The following DPP6 variants were observed in gnomAD, a reference collection of about 807,000 sequenced individuals.
DPP6 encodes the protein dipeptidyl peptidase like 6.
A neutral mutation model predicts 122.6 loss-of-function variants in DPP6; 69 were observed. The ratio of observed to expected loss-of-function variants is 0.56; its 90% CI spans 0.46 to 0.69. DPP6 has a LOEUF of 0.69. Ranked by LOEUF, DPP6 falls within the 30% of genes least tolerant of loss-of-function variation. The pLI is 0.00. For synonymous variants in DPP6, 418 were observed against 433.1 expected, an observed-to-expected ratio of 0.97 and a Z score of 0.43; for missense variants, 928 against 1,116.9, an observed-to-expected ratio of 0.83 and a Z score of 2.41.
In DPP6 at chr7:154,892,612, G is replaced by T; in HGVS notation, c.*132G>T. ...GGGTGTTCCATAGCATGTGTGTCTC[G>T]GATGCGGAAGGCAGTTTTGCTTGGG... On this transcript the variant is annotated 3_prime_UTR_variant, in exon 26 of 26. Transcript: ENST00000377770. The T allele has an allele frequency of 1.3e-6, 2 of 1,515,896 alleles. 1 individual carries two copies. Among genetic ancestry groups the T allele is most frequent in the Non-Finnish European group, 1.8e-6 (2 of 1,127,242 alleles). The allele number at this position is 1,515,896 out of a possible 1,614,324, so 93.9% of individuals were successfully genotyped here. A position where few individuals can be genotyped will look rare whatever the true frequency, so the allele number is the denominator to read the frequency against.
At chr7:154,156,318 G>A (rs1352548837) in intron 1 of DPP6, among the ~76,000 whole-genome samples, 1 of 152,238 alleles carries the variant, frequency 6.6e-6, no homozygotes, top group African/African-American at 2.4e-5. Context: ...GACTCAAATT[G>A]CTTTTTAAAC....
At chr7:154,880,042 T>C (rs1250422074) in intron 20 of DPP6, among the ~76,000 whole-genome samples, 2 of 152,266 alleles carry the variant, frequency 1.3e-5, no homozygotes, top group East Asian at 3.8e-4. Context: ...TCCTCTTTAC[T>C]AGAAAATGTC....
At chr7:154,846,801 A>G (rs940102382) in intron 16 of DPP6, among the ~76,000 whole-genome samples, 7 of 152,214 alleles carry the variant, frequency 4.6e-5, no homozygotes, top group Non-Finnish European at 1.0e-4. Context: ...AAGTTTTACA[A>G]CTTTTAAAAA....
chr7:154,623,007 G>A (rs539442130), intron 5 of DPP6, among the ~76,000 whole-genome samples: 1 of 152,196 alleles, frequency 6.6e-6, no homozygotes, highest in Non-Finnish European at 1.5e-5. Flanking sequence ...AGAAAACTCT[G>A]TTGGGGGTGA....
At chr7:154,385,469 CTG>C (rs1814024263) in intron 1 of DPP6, among the ~76,000 whole-genome samples, 1 of 152,180 alleles carries the variant, frequency 6.6e-6, no homozygotes, top group African/African-American at 2.4e-5. Context: ...CCATTCATCT[CTG>C]TGAGACTAAA....
intron 3 of DPP6, among the ~76,000 whole-genome samples, chr7:154,507,654 C>T (rs1362782516): frequency 6.6e-6 from 1 of 152,140 alleles, no homozygotes; most frequent in East Asian, 1.9e-4. Flanking sequence ...CAGGCAAGAG[C>T]AGGACTGGAG....
At chr7:154,107,980 C>A (rs1806294349) in intron 1 of DPP6, among the ~76,000 whole-genome samples, 1 of 152,238 alleles carries the variant, frequency 6.6e-6, no homozygotes, top group East Asian at 1.9e-4. Context: ...GCTTTGAAAT[C>A]TCATTCAGTT....
chr7:154,544,967 C>T (rs1314762979), intron 4 of DPP6, among the ~76,000 whole-genome samples: 32 of 152,248 alleles, frequency 2.1e-4, no homozygotes, highest in Non-Finnish European at 2.1e-4. Context: ...GGAATCCACG[C>T]CACTTTAGTT....
At chr7:154,765,703 TC>T (rs2131532995) in intron 8 of DPP6, among the ~76,000 whole-genome samples, 1 of 152,276 alleles carries the variant, frequency 6.6e-6, no homozygotes, top group East Asian at 1.9e-4. Context: ...ACACCGACTG[TC>T]CCCGGATGTA....
chr7:154,106,853 C>T (rs1806198418), intron 1 of DPP6, among the ~76,000 whole-genome samples: 1 of 152,092 alleles, frequency 6.6e-6, no homozygotes, highest in South Asian at 2.1e-4. Flanking sequence ...AGGGAAGGAG[C>T]AACGCACTGA....
chr7:154,264,876 T>C (rs1428301875), intron 1 of DPP6, among the ~76,000 whole-genome samples: 1 of 148,974 alleles, frequency 6.7e-6, no homozygotes, highest in Non-Finnish European at 1.5e-5. Flanking sequence ...GTGATCCTGA[T>C]GATGGTGATA....
intron 3 of DPP6, among the ~76,000 whole-genome samples, chr7:154,528,833 C>T (rs77272093): frequency 0.028 from 4,284 of 152,176 alleles, 94 homozygotes; most frequent in South Asian, 0.083. Context: ...AGATCTTACC[C>T]GGCCATAGTG....
rs2150713718 is a variant in DPP6 at position 154,893,595 on chromosome 7, C to T, written c.*1115C>T. 6.6e-6 allele frequency: 1 copy of T among 152,006 alleles called. No homozygotes were observed. Among genetic ancestry groups the T allele is most frequent in the South Asian group, 2.1e-4 (1 of 4,812 alleles). The allele number at this position is 152,006 out of a possible 1,614,324, so 9.4% of individuals were successfully genotyped here. A position where few individuals can be genotyped will look rare whatever the true frequency, so the allele number is the denominator to read the frequency against. On this transcript the variant is annotated 3_prime_UTR_variant, in exon 26 of 26. Transcript: ENST00000377770. ...CATCCCTCTCCCATCGTGGGGGTGGCTCCGTGACCTTCCTGCCACGAGCAG... is the reference window on the plus strand; with the variant it reads ...CATCCCTCTCCCATCGTGGGGGTGGTTCCGTGACCTTCCTGCCACGAGCAG...
intron 7 of DPP6, among the ~76,000 whole-genome samples, chr7:154,700,002 TA>T (rs1431850495): frequency 2.6e-5 from 4 of 152,214 alleles, no homozygotes; most frequent in African/African-American, 9.6e-5. Flanking sequence ...CTAGGTAACA[TA>T]GCCCTGAAAT....
intron 1 of DPP6, chr7:154,092,332 C>G (rs1199488378): frequency 6.6e-6 from 1 of 152,136 alleles, no homozygotes; most frequent in Non-Finnish European, 1.5e-5. Flanking sequence ...CGGCGTCTAA[C>G]CTGGCATCAA....
chr7:154,137,342 T>C (rs973753203), intron 1 of DPP6, among the ~76,000 whole-genome samples: 2 of 151,934 alleles, frequency 1.3e-5, no homozygotes, highest in African/African-American at 2.4e-5. Flanking sequence ...TGCCTGTACA[T>C]GCCTTTCTCT....
chr7:154,603,626 A>G (rs1833490487), intron 5 of DPP6, among the ~76,000 whole-genome samples: 1 of 84,170 alleles, frequency 1.2e-5, no homozygotes, highest in Admixed American at 2.0e-4. Flanking sequence ...ACTGGACTCC[A>G]GCCTGGGTGA....
At chr7:153,801,058 T>C in the DPP6 span, among the ~76,000 whole-genome samples, 3 of 151,176 alleles carry the variant, frequency 2.0e-5, no homozygotes, top group African/African-American at 7.3e-5. Flanking sequence ...AGCTTATGTA[T>C]AAACTGCAGC....
chr7:154,698,362 G>T (rs1291435538), intron 7 of DPP6, among the ~76,000 whole-genome samples: 3 of 152,128 alleles, frequency 2.0e-5, no homozygotes, highest in African/African-American at 4.8e-5. Flanking sequence ...TTCCTTGAGT[G>T]GAATTACTGA....
Sources: gnomAD v4.1 joint callset for allele counts (sites outside exome capture counted in the v4.1 genomes callset) on GRCh38, gnomAD v4.1.1 for gene constraint, MANE v1.5 for transcripts, NCBI Gene and HGNC (gene_info 2026-07-23, HGNC 2026-07-21) for gene names.